Variants in HEPACAM2 observed in about 807,000 individuals in gnomAD.
HEPACAM2 encodes HEPACAM family member 2.
In HEPACAM2, 49 loss-of-function variants were observed where a neutral mutation model predicts 49.6. That is an observed-to-expected ratio of 0.99 (90% confidence interval 0.78 to 1.25). The LOEUF (loss-of-function observed/expected upper bound fraction) is 1.25. HEPACAM2 is among the 50% of genes most tolerant of loss of function. HEPACAM2 has a pLI of 0.00. For synonymous variants in HEPACAM2, 197 were observed against 202.9 expected, an observed-to-expected ratio of 0.97 and a Z score of 0.25; for missense variants, 525 against 557.2, an observed-to-expected ratio of 0.94 and a Z score of 0.58.
chr7:93,197,605 C>G lies in HEPACAM2; in HGVS notation c.1018G>C (p.Glu340Gln). The G allele has an allele frequency of 6.3e-7, 1 of 1,574,946 alleles. No homozygotes were observed. The highest frequency in any genetic ancestry group is 8.6e-7 in the Non-Finnish European group (1 of 1,162,904). The change falls in exon 5 of 10, where the codon GAG (glutamate) becomes CAG (glutamine). Residue 340 changes from glutamate to glutamine, a missense_variant. By Grantham distance (29) the Glu-to-Gln change is conservative (BLOSUM62 2). Coordinates refer to ENST00000394468, the MANE Select transcript of HEPACAM2 (RefSeq NM_001039372.4). The part of the protein sequence containing the change: ...FTVIITSVGL[E>Q]KLAQKGKSLS... ...GATTTTCCTTTCTGTGCAAGCTTCT[C>G]CAGTCCTAAATAAAAAGATAAACAT...
intron 9 of HEPACAM2, among the ~76,000 whole-genome samples, chr7:93,189,506 C>T (rs1793487661): frequency 6.6e-6 from 1 of 151,910 alleles, no homozygotes; most frequent in African/African-American, 2.4e-5. Flanking sequence ...GTCCTGTTTT[C>T]AATATACTAA....
intron 2 of HEPACAM2, among the ~76,000 whole-genome samples, chr7:93,218,279 A>G (rs1308724861): frequency 6.6e-6 from 1 of 152,106 alleles, no homozygotes; most frequent in Non-Finnish European, 1.5e-5. Flanking sequence ...GAATAGAAGC[A>G]GGGAGAGTAG....
chr7:93,207,178 T>C (rs1280509508), intron 4 of HEPACAM2, among the ~76,000 whole-genome samples: 1 of 152,142 alleles, frequency 6.6e-6, no homozygotes, highest in African/African-American at 2.4e-5. Context: ...ACAAAACATA[T>C]TGAGTTTCTC....
chr7:93,189,387 G>C, intron 9 of HEPACAM2, 117 bp from the exon 10 acceptor site: 1 of 584,122 alleles, frequency 1.7e-6, no homozygotes, highest in Non-Finnish European at 2.9e-6. Context: ...AGAATGTTTG[G>C]AGCTAGCTCA....
At chr7:93,213,807 G>A (rs1794237967) in intron 3 of HEPACAM2, among the ~76,000 whole-genome samples, 2 of 152,060 alleles carry the variant, frequency 1.3e-5, no homozygotes, top group Admixed American at 1.3e-4. Context: ...GAGGAGGTGA[G>A]ATAAGTGGAG....
rs1793464590 is a variant in HEPACAM2, at chr7:93,188,905, G to A, written c.*362C>T. ...CCACATTTGTAGGTGAGACAGGATA[G>A]TCTCAGTGTTGATGATAGTGAAAGT... On this transcript the variant is annotated 3_prime_UTR_variant, in exon 10 of 10. Transcript: ENST00000394468. The A allele has an allele frequency of 2.3e-5, 9 of 398,132 alleles. 1 individual carries two copies. In the South Asian group the frequency reaches 1.1e-3, roughly 51 times the overall value. 24.7% of individuals were successfully genotyped at this position (398,132 alleles called of 1,614,324 possible). A position where few individuals can be genotyped will look rare whatever the true frequency, so the allele number is the denominator to read the frequency against.
intron 4 of HEPACAM2, among the ~76,000 whole-genome samples, chr7:93,198,772 C>CA (rs1191199206): frequency 1.3e-5 from 2 of 152,076 alleles, no homozygotes; most frequent in East Asian, 1.9e-4. Flanking sequence ...GGTGGCTACA[C>CA]AGCTCTGCAA....
intron 1 of HEPACAM2, among the ~76,000 whole-genome samples, chr7:93,221,558 T>G (rs1354845927): frequency 2.0e-5 from 3 of 152,128 alleles, no homozygotes; most frequent in Non-Finnish European, 4.4e-5. Context: ...AAGCAAAGAT[T>G]CCCACAGTTT....
At chr7:93,230,854 C>T (rs551361700), upstream of HEPACAM2, among the ~76,000 whole-genome samples, 6 of 152,218 alleles carry the variant, frequency 3.9e-5, no homozygotes, top group South Asian at 2.1e-4. Context: ...AATTGCTGAA[C>T]GCAGTGATGA....
upstream of HEPACAM2, among the ~76,000 whole-genome samples, chr7:93,231,440 C>G (rs1193950090): frequency 6.6e-6 from 1 of 152,184 alleles, no homozygotes; most frequent in Admixed American, 6.5e-5. Flanking sequence ...TTCGCCATAC[C>G]TGCTTCGTCA....
intron 3 of HEPACAM2, among the ~76,000 whole-genome samples, chr7:93,209,699 T>A (rs1374867975): frequency 6.6e-6 from 1 of 151,974 alleles, no homozygotes; most frequent in Non-Finnish European, 1.5e-5. Context: ...GAAATAGTCA[T>A]TGTACTTGAA....
At chr7:93,209,667 G>T (rs1794128813) in intron 3 of HEPACAM2, among the ~76,000 whole-genome samples, 1 of 151,548 alleles carries the variant, frequency 6.6e-6, no homozygotes, top group Admixed American at 6.6e-5. Flanking sequence ...CAACTTTTTA[G>T]CTTCTACACA....
At chr7:93,202,381 A>G (rs1480472938) in intron 4 of HEPACAM2, among the ~76,000 whole-genome samples, 5 of 152,100 alleles carry the variant, frequency 3.3e-5, no homozygotes, top group Admixed American at 2.6e-4. Flanking sequence ...AATATTTGCC[A>G]TAGTCAGTAA....
chr7:93,192,175 C>T (rs1793566196), intron 9 of HEPACAM2, 79 bp downstream of exon 9: 4 of 981,106 alleles, frequency 4.1e-6, no homozygotes, highest in Admixed American at 2.2e-5. Flanking sequence ...TCTTCTGTGC[C>T]TTTTAATCAG....
At chr7:93,218,764 G>A (rs903950558) in intron 2 of HEPACAM2, among the ~76,000 whole-genome samples, 6 of 151,860 alleles carry the variant, frequency 4.0e-5, no homozygotes, top group Non-Finnish European at 8.8e-5. Context: ...CTCTTCCCAG[G>A]GTACAGTCTA....
At chr7:93,190,137 T>C (rs562518596) in intron 9 of HEPACAM2, among the ~76,000 whole-genome samples, 2 of 152,028 alleles carry the variant, frequency 1.3e-5, no homozygotes, top group African/African-American at 4.8e-5. Context: ...TGGAAATGTT[T>C]GTGAAGTGAT....
intron 4 of HEPACAM2, among the ~76,000 whole-genome samples, chr7:93,200,299 T>C (rs1229351412): frequency 6.6e-6 from 1 of 152,136 alleles, no homozygotes; most frequent in Non-Finnish European, 1.5e-5. Flanking sequence ...CTAATTTTTA[T>C]GTACATTATC....
chr7:93,217,914 G>A (rs1286988170), intron 2 of HEPACAM2, among the ~76,000 whole-genome samples: 1 of 137,712 alleles, frequency 7.3e-6, no homozygotes, highest in East Asian at 2.2e-4. Flanking sequence ...GTGTGTGTGT[G>A]TTGGAGAAGT....
intron 4 of HEPACAM2, among the ~76,000 whole-genome samples, chr7:93,203,284 A>G (rs750192397): frequency 6.6e-6 from 1 of 152,166 alleles, no homozygotes; most frequent in Non-Finnish European, 1.5e-5. Flanking sequence ...AAGATTTACT[A>G]GGTCCAGCAT....
Sources: allele counts gnomAD v4.1 joint callset (sites outside exome capture counted in the v4.1 genomes callset), GRCh38; gene constraint gnomAD v4.1.1; transcripts MANE v1.5; gene names NCBI Gene and HGNC (gene_info 2026-07-23, HGNC 2026-07-21).